The following CSMD1 variants were observed in gnomAD, a reference collection of about 807,000 sequenced individuals.
CSMD1 encodes CUB and sushi domain-containing protein 1.
Under a neutral mutation model 417.5 loss-of-function variants are expected in CSMD1, and 213 were observed. The ratio of observed to expected loss-of-function variants is 0.51; its 90% CI spans 0.46 to 0.57. CSMD1 has a LOEUF of 0.57. CSMD1 is among the 20% of genes least tolerant of loss of function. CSMD1 has a pLI of 0.00. For synonymous variants in CSMD1, 2,862 were observed against 1,736.8 expected, an observed-to-expected ratio of 1.65 and a Z score of -16.11; for missense variants, 6,923 against 4,529.7, an observed-to-expected ratio of 1.53 and a Z score of -15.17.
rs189161269 is a variant in CSMD1 at position 4,327,299 on chromosome 8, T to C, written c.415+92654A>G. ...TCTTTAAGTATCTCTTTTACATTTTTCTCTTCCTTCTTTTCAAGAGCAATT... is the reference window on the plus strand; with the variant it reads ...TCTTTAAGTATCTCTTTTACATTTTCCTCTTCCTTCTTTTCAAGAGCAATT... On this transcript the variant is annotated intron_variant, in intron 3 of 69. Coordinates refer to ENST00000635120, the MANE Select transcript of CSMD1 (RefSeq NM_033225.6). Among the ~76,000 whole-genome samples, 557 of 152,312 alleles carry C rather than the reference T, an allele frequency of 3.7e-3. 3 individuals are homozygous for C. The highest frequency in any genetic ancestry group is 0.013 in the African/African-American group (541 of 41,572).
intron 12 of CSMD1, among the ~76,000 whole-genome samples, chr8:3,420,400 C>T (rs1424887866): frequency 6.7e-6 from 1 of 149,752 alleles, no homozygotes; most frequent in African/African-American, 2.5e-5. Context: ...TGGGTGGTTC[C>T]TGGGACAGGA....
chr8:4,087,988 G>A (rs1427264888), intron 3 of CSMD1, among the ~76,000 whole-genome samples: 1 of 152,078 alleles, frequency 6.6e-6, no homozygotes, highest in East Asian at 1.9e-4. Context: ...CTTGACCTCT[G>A]AAGAACGTCT....
chr8:3,602,426 G>C (rs1472718957), intron 8 of CSMD1, among the ~76,000 whole-genome samples: 2 of 152,144 alleles, frequency 1.3e-5, no homozygotes, highest in Admixed American at 6.5e-5. Context: ...AGAAAAATTA[G>C]GGAGCAGGGG....
At chr8:4,805,392 T>A (rs1798530346) in intron 1 of CSMD1, among the ~76,000 whole-genome samples, 1 of 152,192 alleles carries the variant, frequency 6.6e-6, no homozygotes, top group African/African-American at 2.4e-5. Context: ...TCTAATGTGA[T>A]AAATTATTTC....
intron 13 of CSMD1, among the ~76,000 whole-genome samples, chr8:3,408,568 A>C (rs927505137): frequency 6.6e-6 from 1 of 151,480 alleles, no homozygotes; most frequent in African/African-American, 2.5e-5. Context: ...AATATGGAAA[A>C]GTATATTCCT....
At chr8:3,734,904 C>A (rs1308222317) in intron 6 of CSMD1, among the ~76,000 whole-genome samples, 4 of 152,106 alleles carry the variant, frequency 2.6e-5, no homozygotes, top group Non-Finnish European at 5.9e-5. Context: ...TTTCCGTTTC[C>A]AGTTAGAGAC....
At chr8:3,817,496 G>A (rs776097473) in intron 5 of CSMD1, among the ~76,000 whole-genome samples, 1 of 151,684 alleles carries the variant, frequency 6.6e-6, no homozygotes, top group Non-Finnish European at 1.5e-5. Context: ...AGCGAGGATG[G>A]TCTCAATCTC....
chr8:3,683,741 C>A (rs1390964360), intron 7 of CSMD1, among the ~76,000 whole-genome samples: 1 of 152,070 alleles, frequency 6.6e-6, no homozygotes, highest in Non-Finnish European at 1.5e-5. Context: ...CAACTCAAAC[C>A]CAGGTCTCCA....
chr8:3,688,115 T>C (rs1276920503), intron 7 of CSMD1, among the ~76,000 whole-genome samples: 2 of 152,224 alleles, frequency 1.3e-5, no homozygotes. Context: ...AGTGTGCTTA[T>C]CTGCTTCGAA....
intron 5 of CSMD1, among the ~76,000 whole-genome samples, chr8:3,827,587 T>C (rs1024794682): frequency 1.3e-5 from 2 of 152,220 alleles, no homozygotes; most frequent in Non-Finnish European, 2.9e-5. Flanking sequence ...AAATTTCAAA[T>C]TACATCAATG....
At chr8:4,673,811 A>G (rs1370839487) in intron 1 of CSMD1, among the ~76,000 whole-genome samples, 1 of 152,212 alleles carries the variant, frequency 6.6e-6, no homozygotes, top group Non-Finnish European at 1.5e-5. Context: ...GAATACATAT[A>G]TCCACAGAGA....
intron 49 of CSMD1, among the ~76,000 whole-genome samples, chr8:3,062,444 T>C (rs1381892067): frequency 6.6e-6 from 1 of 151,998 alleles, no homozygotes. Flanking sequence ...TTCCGTTTGT[T>C]TGAAAGGATA....
chr8:4,243,071 C>T (rs1409262399), intron 3 of CSMD1, among the ~76,000 whole-genome samples: 2 of 152,020 alleles, frequency 1.3e-5, no homozygotes, highest in Non-Finnish European at 2.9e-5. Flanking sequence ...TAGTTTTTTC[C>T]TTTCTTGCCA....
intron 3 of CSMD1, among the ~76,000 whole-genome samples, chr8:4,153,799 AT>A (rs1018933919): frequency 2.6e-5 from 4 of 152,200 alleles, no homozygotes; most frequent in African/African-American, 9.7e-5. Context: ...GTTTTTATGT[AT>A]TTGTGTCTGA....
At chr8:3,616,944 C>G in intron 7 of CSMD1, 147 bp from the exon 8 acceptor site, 1 of 498,034 alleles carries the variant, frequency 2.0e-6, no homozygotes, top group Non-Finnish European at 3.5e-6. Context: ...TAAATACATT[C>G]AAATAAGTGT....
At position 3,616,702 on chromosome 8, in the gene CSMD1, T is replaced by A; in HGVS notation, c.1097+8A>T. 1 of 1,569,490 alleles carries A rather than the reference T, an allele frequency of 6.4e-7. No homozygotes were observed. The highest frequency in any genetic ancestry group is 8.8e-7 in the Non-Finnish European group (1 of 1,140,430). ...CATGCTTTTTTCCACCACTATTGTA[T>A]CTCTTACCTGAAGTCGGAACCTGCT... On this transcript the variant is annotated splice_region_variant and intron_variant, in intron 8 of 69. Coordinates refer to ENST00000635120, the MANE Select transcript of CSMD1 (RefSeq NM_033225.6).
chr8:3,958,885 T>G (rs1812141782), intron 5 of CSMD1, among the ~76,000 whole-genome samples: 1 of 152,196 alleles, frequency 6.6e-6, no homozygotes, highest in Admixed American at 6.5e-5. Flanking sequence ...AGAGAACAGA[T>G]ATTCAGTGAA....
intron 5 of CSMD1, among the ~76,000 whole-genome samples, chr8:3,806,432 A>G (rs1191531131): frequency 3.3e-5 from 5 of 152,192 alleles, no homozygotes; most frequent in African/African-American, 1.2e-4. Context: ...TGATACGGCC[A>G]TGGCCTGAAT....
At chr8:3,951,510 C>T (rs1473419341) in intron 5 of CSMD1, among the ~76,000 whole-genome samples, 1 of 151,950 alleles carries the variant, frequency 6.6e-6, no homozygotes, top group African/African-American at 2.4e-5. Flanking sequence ...TTGACCTGAG[C>T]CCCAGAAATT....
Sources: allele counts gnomAD v4.1 joint callset (sites outside exome capture counted in the v4.1 genomes callset), GRCh38; gene constraint gnomAD v4.1.1; transcripts MANE v1.5; gene names NCBI Gene and HGNC (gene_info 2026-07-23, HGNC 2026-07-21).